Variants in CRB1 observed in about 807,000 individuals in gnomAD.
CRB1 encodes protein crumbs homolog 1.
CRB1 carries 83 observed loss-of-function variants against 120.0 expected under a neutral mutation model. That is an observed-to-expected ratio of 0.69 (90% confidence interval 0.58 to 0.83). The LOEUF is 0.83. Ranked by LOEUF, CRB1 falls within the 40% of genes least tolerant of loss-of-function variation. The pLI, the probability that CRB1 is intolerant of heterozygous loss-of-function variation, is 0.00. For synonymous variants in CRB1, 625 were observed against 612.5 expected, an observed-to-expected ratio of 1.02 and a Z score of -0.30; for missense variants, 1,699 against 1,687.6, an observed-to-expected ratio of 1.01 and a Z score of -0.12.
chr1:197,384,464 T>C (rs940585145), intron 5 of CRB1, among the ~76,000 whole-genome samples: 5 of 152,170 alleles, frequency 3.3e-5, no homozygotes, highest in African/African-American at 1.2e-4. Flanking sequence ...AGTCACCTGG[T>C]GTTTGCAAGC....
In CRB1 at chr1:197,353,492, G is replaced by A. The variant is rs534133945; in HGVS notation, c.989-3339G>A. Among the ~76,000 whole-genome samples, 64 of 152,280 alleles carry A rather than the reference G, an allele frequency of 4.2e-4. 1 individual carries two copies. Among genetic ancestry groups the A allele is most frequent in the African/African-American group, 1.2e-3 (51 of 41,532 alleles). Reference sequence around the variant, plus strand: ...AATGATATTGCAAAGGGCCTTAGGCGACTGTGAAGTTGAATTGTGTTTCTT... The same window carrying A: ...AATGATATTGCAAAGGGCCTTAGGCAACTGTGAAGTTGAATTGTGTTTCTT... On this transcript the variant is annotated intron_variant, in intron 4 of 11. Coordinates refer to ENST00000367400, the MANE Select transcript of CRB1 (RefSeq NM_201253.3).
At chr1:197,451,574 A>G (rs1665975154) in intron 11 of CRB1, among the ~76,000 whole-genome samples, 1 of 152,212 alleles carries the variant, frequency 6.6e-6, no homozygotes, top group Non-Finnish European at 1.5e-5. Context: ...AACACTGTCG[A>G]TTCTGCCCCA....
At chr1:197,363,140 T>C (rs929047536) in intron 5 of CRB1, among the ~76,000 whole-genome samples, 1 of 151,960 alleles carries the variant, frequency 6.6e-6, no homozygotes, top group Non-Finnish European at 1.5e-5. Flanking sequence ...TTTAGGTTTT[T>C]TTTTTTTGCC....
At chr1:197,359,676 T>C (rs1474875062) in intron 5 of CRB1, among the ~76,000 whole-genome samples, 3 of 152,206 alleles carry the variant, frequency 2.0e-5, no homozygotes, top group Non-Finnish European at 4.4e-5. Context: ...ACTGTCAAAC[T>C]GTTTTCCAGT....
chr1:197,429,736 C>G, intron 8 of CRB1, 122 bp downstream of exon 8: 3 of 1,055,602 alleles, frequency 2.8e-6, no homozygotes, highest in Non-Finnish European at 2.8e-6. Flanking sequence ...ATGGTTGTTT[C>G]CCCTATGCGA....
intron 11 of CRB1, among the ~76,000 whole-genome samples, chr1:197,462,777 GA>G (rs1303110531): frequency 1.3e-5 from 2 of 152,084 alleles, no homozygotes; most frequent in African/African-American, 4.8e-5. Flanking sequence ...CTGATGGAGT[GA>G]AAATACATGG....
At chr1:197,355,303 G>T (rs538870085) in intron 4 of CRB1, among the ~76,000 whole-genome samples, 44 of 152,322 alleles carry the variant, frequency 2.9e-4, no homozygotes, top group African/African-American at 1.0e-3. Context: ...GACATAATCC[G>T]TACTAGACTC....
chr1:197,373,558 G>A (rs1053058588), intron 5 of CRB1, among the ~76,000 whole-genome samples: 1 of 152,140 alleles, frequency 6.6e-6, no homozygotes, highest in Admixed American at 6.6e-5. Context: ...TCATTACCTA[G>A]GAGTTGGCCA....
intron 11 of CRB1, among the ~76,000 whole-genome samples, chr1:197,456,417 A>T (rs1182895768): frequency 6.6e-6 from 1 of 152,030 alleles, no homozygotes; most frequent in Non-Finnish European, 1.5e-5. Context: ...GAATGTTTTT[A>T]TTCATCCTGC....
chr1:197,252,338 C>A, the CRB1 span, among the ~76,000 whole-genome samples: 1 of 150,418 alleles, frequency 6.6e-6, no homozygotes, highest in Non-Finnish European at 1.5e-5. Context: ...AAATAGGTGG[C>A]TATTTAGAGT....
chr1:197,256,833 A>C, the CRB1 span, among the ~76,000 whole-genome samples: 2 of 150,750 alleles, frequency 1.3e-5, no homozygotes, highest in Admixed American at 6.7e-5. Flanking sequence ...AGAAAAAAAA[A>C]CAAAAAAAAC....
chr1:197,367,463 T>C lies in CRB1; in HGVS notation c.1171+10450T>C, dbSNP rs540327691. Reference sequence around the variant, plus strand: ...ATAAGAACCCAAACAGCTTGATAAATTCACATTTTGAAGTACAAATCAACG... The same window carrying C: ...ATAAGAACCCAAACAGCTTGATAAACTCACATTTTGAAGTACAAATCAACG... On this transcript the variant is annotated intron_variant, in intron 5 of 11. Transcript: ENST00000367400. Among the ~76,000 whole-genome samples, 118 of 152,268 alleles carry C rather than the reference T, an allele frequency of 7.7e-4. 1 individual carries two copies. Among genetic ancestry groups the C allele is most frequent in the African/African-American group, 2.4e-3 (101 of 41,568 alleles).
Position 197,356,223 on chromosome 1 carries a change from C to T in CRB1, c.989-608C>T, listed in dbSNP as rs529085602. Reference sequence around the variant, plus strand: ...ACTGTATGTATTTCTTACAGTTGCTCGTATTTATAAAAGCAAAGAAAAAGT... The same window carrying T: ...ACTGTATGTATTTCTTACAGTTGCTTGTATTTATAAAAGCAAAGAAAAAGT... On this transcript the variant is annotated intron_variant, in intron 4 of 11. Coordinates refer to ENST00000367400, the MANE Select transcript of CRB1 (RefSeq NM_201253.3). 8.5e-5 allele frequency among the ~76,000 whole-genome samples: 13 copies of T among 152,188 alleles called. No homozygotes were observed. In the South Asian group the frequency reaches 1.0e-3, roughly 12 times the overall value.
rs760833525 is a variant in CRB1 at position 197,421,492 on chromosome 1, T to C, written c.1664T>C (p.Leu555Pro). 1.2e-6 allele frequency: 2 copies of C among 1,614,224 alleles called. No individual in the cohort carries two copies. The highest frequency in any genetic ancestry group is 1.7e-5 in the Admixed American group (1 of 60,024). Residue 555 changes from leucine to proline, a missense_variant, in exon 6 of 12, where the codon CTT becomes CCT. Transcript: ENST00000367400. ...SIQVNNQSKV[L>P]LFISHNTSDG... Reference sequence around the variant, plus strand: ...CAGGTCAATAATCAGTCAAAGGTGCTTCTGTTCATTTCCCACAACACCAGC... The same window carrying C: ...CAGGTCAATAATCAGTCAAAGGTGCCTCTGTTCATTTCCCACAACACCAGC...
rs580067 is a variant in CRB1 at position 197,329,243 on chromosome 1, T to C, written c.652+240T>C. On this transcript the variant is annotated intron_variant, in intron 2 of 11. Transcript: ENST00000367400. ...AATGGAGCTCTACATGATTTAAAAC[T>C]GGATTCAGTCTAGAATGAATGAGGT... 0.7 allele frequency among the ~76,000 whole-genome samples: 106,336 copies of C among 152,032 alleles called. 37,396 individuals carry two copies. Among genetic ancestry groups the C allele is most frequent in the East Asian group, 0.92 (4,749 of 5,164 alleles).
intron 5 of CRB1, among the ~76,000 whole-genome samples, chr1:197,384,470 C>T (rs748142337): frequency 6.6e-6 from 1 of 152,160 alleles, no homozygotes; most frequent in Non-Finnish European, 1.5e-5. Flanking sequence ...CTGGTGTTTG[C>T]AAGCGTTTCC....
chr1:197,392,361 T>C (rs1662549984), intron 5 of CRB1, among the ~76,000 whole-genome samples: 1 of 152,090 alleles, frequency 6.6e-6, no homozygotes, highest in South Asian at 2.1e-4. Context: ...TATGGCTGAA[T>C]GAGAAAACCA....
rs781186951 is a variant in CRB1 at position 197,421,129 on chromosome 1, G to T, written c.1301G>T (p.Gly434Val). ...GATAACCTTTCTAGAACTTTTTATG[G>T]AGGAAGGGACTGTTCTGATATTCTC... Reference protein sequence around the residue: ...PFDNLSRTFYGGRDCSDILLG... With the variant: ...PFDNLSRTFYVGRDCSDILLG... Residue 434 changes from glycine (G) to valine (V), a missense_variant, in exon 6 of 12, where the codon GGA (glycine) becomes GTA (valine). By Grantham distance (109) the Gly-to-Val change is moderately radical. Coordinates refer to ENST00000367400, the MANE Select transcript of CRB1 (RefSeq NM_201253.3). 1 of 1,614,122 alleles carries T rather than the reference G, an allele frequency of 6.2e-7. No individual in the cohort carries two copies. Among genetic ancestry groups the T allele is most frequent in the Non-Finnish European group, 8.5e-7 (1 of 1,179,996 alleles).
chr1:197,317,819 A>G (rs551431431), intron 1 of CRB1, among the ~76,000 whole-genome samples: 2 of 152,326 alleles, frequency 1.3e-5, no homozygotes, highest in East Asian at 1.9e-4. Context: ...CTAGACTCCT[A>G]TCTCTCACCA....
Sources: allele counts gnomAD v4.1 joint callset (sites outside exome capture counted in the v4.1 genomes callset), GRCh38; gene constraint gnomAD v4.1.1; transcripts MANE v1.5; gene names NCBI Gene and HGNC (gene_info 2026-07-23, HGNC 2026-07-21).